Variants in UBR4 observed in about 807,000 individuals in gnomAD.
UBR4 encodes E3 ubiquitin-protein ligase UBR4.
Under a neutral mutation model 575.6 loss-of-function variants are expected in UBR4, and 124 were observed. That is an observed-to-expected ratio of 0.22 (90% CI 0.19 to 0.25). The LOEUF (loss-of-function observed/expected upper bound fraction) is 0.25, where lower values mean the gene tolerates loss of function less well. Ranked by LOEUF, UBR4 falls within the 10% of genes least tolerant of loss-of-function variation. The pLI is 1.00. For synonymous variants in UBR4, 2,455 were observed against 2,473.7 expected, an observed-to-expected ratio of 0.99 and a Z score of 0.22; for missense variants, 4,818 against 6,478.8, an observed-to-expected ratio of 0.74 and a Z score of 8.80.
rs1344594448 is a variant in UBR4 at position 19,114,838 on chromosome 1, G to A, written c.11175C>T (p.Pro3725=). Residue 3725 remains proline, a synonymous_variant, in exon 75 of 106, where the codon CCC becomes CCT. Transcript: ENST00000375254. ...LYAKPCCAVD[P]IENEEDRKKA... ...TCTTCCGGTCTTCTTCATTCTCAAT[G>A]GGATCCACTGCACAGCAAGGCTTGG... The A allele has an allele frequency of 2.5e-6, 4 of 1,614,134 alleles. No homozygotes were observed. In the South Asian group the frequency reaches 4.4e-5, roughly 18 times the overall value.
chr1:19,121,513 C>T (rs2081175076), intron 67 of UBR4, 79 bp from the exon 68 acceptor site: 1 of 1,526,174 alleles, frequency 6.6e-7, no homozygotes, highest in African/African-American at 1.4e-5. Flanking sequence ...CGTCTCCCTA[C>T]AGCTGAGACT....
In UBR4 at chr1:19,198,824, G is replaced by A. The variant is rs1224077841; in HGVS notation, c.483C>T (p.Pro161=). The A allele has an allele frequency of 1.9e-6, 3 of 1,614,076 alleles. No homozygotes were observed. Among genetic ancestry groups the A allele is most frequent in the South Asian group, 1.1e-5 (1 of 91,094 alleles). Reference sequence around the variant, plus strand: ...CGTCTGAAAGTGTCTTCACTGTTTGGGGCAGCTTGGCGGATTTCATCATTG... The same window carrying A: ...CGTCTGAAAGTGTCTTCACTGTTTGAGGCAGCTTGGCGGATTTCATCATTG... ...FTAMMKSAKL[P]QTVKTLSDVE... Residue 161 remains proline, a synonymous_variant, in exon 4 of 106, where the codon CCC becomes CCT. Coordinates refer to ENST00000375254, the MANE Select transcript of UBR4 (RefSeq NM_020765.3).
Position 19,094,976 on chromosome 1 carries a change from G to T in UBR4, c.13676C>A (p.Ala4559Asp). The stretch of plus-strand genomic sequence containing the variant: ...CTCCATGATGCTAAGCACCTGCTCA[G>T]CCACAGCTGCACCCCCACTGTCCTT... ...ESKDSGGAAVAEQVLSIMEII... is the reference protein window; with the variant it reads ...ESKDSGGAAVDEQVLSIMEII... The change falls in exon 94 of 106, where the codon GCT becomes GAT. Residue 4559 changes from alanine (A) to aspartate (D), a missense_variant. This residue lies in a region of UBR4 where 165 missense variants were observed against 282.3 expected (regional missense o/e 0.58). Coordinates refer to ENST00000375254, the MANE Select transcript of UBR4 (RefSeq NM_020765.3). The T allele has an allele frequency of 6.2e-7, 1 of 1,614,174 alleles. No homozygotes were observed.
Position 19,110,430 on chromosome 1 carries a change from G to A in UBR4, c.11927C>T (p.Thr3976Met), listed in dbSNP as rs751882889. 1.4e-5 allele frequency: 22 copies of A among 1,614,040 alleles called. No individual in the cohort carries two copies. Among genetic ancestry groups the A allele is most frequent in the Admixed American group, 1.7e-5 (1 of 59,998 alleles). ...GCTGTCCTCCTTGGAGATAGAATCCGTCAGCAGCAGCATTTCATACTGCAG... is the reference window on the plus strand; with the variant it reads ...GCTGTCCTCCTTGGAGATAGAATCCATCAGCAGCAGCATTTCATACTGCAG... ...SSLQYEMLLL[T>M]DSISKEDSCW... The change falls in exon 80 of 106, where the codon ACG (threonine) becomes ATG (methionine). Residue 3976 changes from threonine to methionine, a missense_variant. Physicochemically the swap from Thr to Met is moderately conservative, Grantham distance 81. This residue lies in a region of UBR4 where 333 missense variants were observed against 459.2 expected (regional missense o/e 0.73). Transcript: ENST00000375254. This position sits in a 1 kb window ranked among gnomAD's most constrained non-coding sequence, Gnocchi z 4.5.
At chr1:19,115,234 C>A (rs1295408658) in intron 74 of UBR4, among the ~76,000 whole-genome samples, 164 bp downstream of exon 74, 2 of 115,024 alleles carry the variant, frequency 1.7e-5, no homozygotes, top group Non-Finnish European at 4.2e-5. Context: ...CACTCACTCT[C>A]TCTTCTTCCT....
At chr1:19,192,879 C>A (rs1438953902) in intron 9 of UBR4, among the ~76,000 whole-genome samples, 1 of 151,952 alleles carries the variant, frequency 6.6e-6, no homozygotes, top group Non-Finnish European at 1.5e-5. Flanking sequence ...ACCTCCCAGG[C>A]TCAAGCGATT....
At position 19,106,635 on chromosome 1, in the gene UBR4, C is replaced by T. The variant is rs1351257757; in HGVS notation, c.12327G>A (p.Leu4109=). ...EKYVWRWKQF[L]SRRGKRTSPL... The stretch of plus-strand genomic sequence containing the variant: ...GGGAGGTCCTCTTCCCCCGACGACT[C>T]AGGAACTGTTTCCACCTCCACACAT... The change falls in exon 83 of 106, where the codon CTG becomes CTA. Residue 4109 remains leucine, a synonymous_variant. Coordinates refer to ENST00000375254, the MANE Select transcript of UBR4 (RefSeq NM_020765.3). The T allele has an allele frequency of 6.2e-7, 1 of 1,608,486 alleles. No individual in the cohort carries two copies. Among genetic ancestry groups the T allele is most frequent in the East Asian group, 2.2e-5 (1 of 44,850 alleles).
chr1:19,161,581 C>T lies in UBR4; in HGVS notation c.5175+8G>A. The T allele has an allele frequency of 6.3e-7, 1 of 1,596,810 alleles. No homozygotes were observed. The highest frequency in any genetic ancestry group is 8.5e-7 in the Non-Finnish European group (1 of 1,172,070). On this transcript the variant is annotated splice_region_variant and intron_variant, in intron 37 of 105. Coordinates refer to ENST00000375254, the MANE Select transcript of UBR4 (RefSeq NM_020765.3). ...CCACCCTTTATAGCTCAGGGAGGGT[C>T]CTCTCACCAAACAGCTGCCATCTTC...
chr1:19,086,847 G>A (rs768585001), intron 99 of UBR4, 26 bp from the exon 100 acceptor site: 2 of 1,611,620 alleles, frequency 1.2e-6, no homozygotes, highest in Non-Finnish European at 1.7e-6. Context: ...CATAAGGAGA[G>A]GGGAGGAGAA....
intron 13 of UBR4, 88 bp downstream of exon 13, chr1:19,187,076 T>TTTTA: frequency 1.4e-6 from 1 of 733,046 alleles, no homozygotes; most frequent in South Asian, 6.1e-5. Context: ...CAAGAAAGTT[T>TTTTA]TATATATATA....
chr1:19,144,675 C>A, intron 54 of UBR4, 111 bp downstream of exon 54: 1 of 1,423,710 alleles, frequency 7.0e-7, no homozygotes, highest in Admixed American at 2.3e-5. Flanking sequence ...AAACTTCATT[C>A]CCTTCAGCTT....
At chr1:19,189,058 T>G (rs1266011223) in intron 11 of UBR4, among the ~76,000 whole-genome samples, 2 of 151,730 alleles carry the variant, frequency 1.3e-5, no homozygotes, top group African/African-American at 4.8e-5. Flanking sequence ...ACAAAAGAAA[T>G]ACAAATGACC....
chr1:19,126,656 C>T lies in UBR4; in HGVS notation c.9229-1G>A. 1 of 1,612,848 alleles carries T rather than the reference C, an allele frequency of 6.2e-7. No individual in the cohort carries two copies. The highest frequency in any genetic ancestry group is 8.5e-7 in the Non-Finnish European group (1 of 1,179,632). ...TGGCACTGGAGATGAGGGAAGATGA[C>T]TGGGAGACAGAGAAAATACAGAGAT... On this transcript the variant is annotated splice_acceptor_variant, in intron 63 of 105. Coordinates refer to ENST00000375254, the MANE Select transcript of UBR4 (RefSeq NM_020765.3). LOFTEE classifies it high-confidence loss of function.
chr1:19,100,177 A>G lies in UBR4; in HGVS notation c.13221+199T>C, dbSNP rs2078484065. The G allele has an allele frequency of 1.6e-6, 1 of 606,448 alleles. No homozygotes were observed. The highest frequency in any genetic ancestry group is 2.9e-6 in the Non-Finnish European group (1 of 345,112). The allele number at this position is 606,448 out of a possible 1,614,324, so 37.6% of individuals were successfully genotyped here. On this transcript the variant is annotated intron_variant, in intron 89 of 105. Transcript: ENST00000375254. This position sits in a 1 kb window ranked among gnomAD's most constrained non-coding sequence, Gnocchi z 4.2. ...GCTTACTTCCTGCCAGGCACTGGGC[A>G]GAGCCCTTTACAGGTTATTAACCTT... is the stretch of plus-strand genomic sequence containing the variant.
rs2092546979 is a variant in UBR4, at chr1:19,197,746, A to G, written c.817T>C (p.Phe273Leu). 1 of 1,614,266 alleles carries G rather than the reference A, an allele frequency of 6.2e-7. No individual in the cohort carries two copies. Among genetic ancestry groups the G allele is most frequent in the Non-Finnish European group, 8.5e-7 (1 of 1,180,048 alleles). Reference protein sequence around the residue: ...LPYFLRYINRFQDAVLANSFF... With the variant: ...LPYFLRYINRLQDAVLANSFF... Reference sequence around the variant, plus strand: ...GAATTAGCTAAAACTGCATCTTGGAACCGATTGATATAGCGTAGGAAATAT... The same window carrying G: ...GAATTAGCTAAAACTGCATCTTGGAGCCGATTGATATAGCGTAGGAAATAT... Residue 273 changes from phenylalanine to leucine, a missense_variant, in exon 7 of 106, where the codon TTC becomes CTC. Around this residue, in one of 29 missense-constraint regions of UBR4, gnomAD observed 131 missense variants for 214.5 expected, o/e 0.61. Coordinates refer to ENST00000375254, the MANE Select transcript of UBR4 (RefSeq NM_020765.3).
rs759865179 is a variant in UBR4, at chr1:19,086,752, G to A, written c.14614C>T (p.Arg4872Trp). Residue 4872 changes from arginine to tryptophan, a missense_variant, in exon 100 of 106, where the codon CGG becomes TGG. This residue lies in a region of UBR4 where 196 missense variants were observed against 386.8 expected (regional missense o/e 0.51). Transcript: ENST00000375254. ...VALEEMENKP[R>W]KQQGYSTVSH... ...ACGGTGCTGTAGCCCTGCTGTTTCC[G>A]GGGCTTATTCTCCATCTCCTCCAAG... The A allele has an allele frequency of 3.7e-6, 6 of 1,614,184 alleles. No individual in the cohort carries two copies. The highest frequency in any genetic ancestry group is 3.4e-6 in the Non-Finnish European group (4 of 1,180,016).
chr1:19,172,388 A>C (rs1419126213), intron 25 of UBR4, among the ~76,000 whole-genome samples: 1 of 152,074 alleles, frequency 6.6e-6, no homozygotes, highest in East Asian at 1.9e-4. Context: ...ACGGTGGTGC[A>C]TGCCTGTAAT....
rs6659990 is a variant in UBR4 at position 19,173,860 on chromosome 1, A to G, written c.2983-239T>C. 8.0e-3 allele frequency among the ~76,000 whole-genome samples: 1,213 copies of G among 152,328 alleles called. 23 individuals carry two copies. The highest frequency in any genetic ancestry group is 0.067 in the East Asian group (349 of 5,180). ...TATTCTGCACATTTCACAGACCAAA[A>G]AGGCTATTCCAAGACAACTTTGGCT... On this transcript the variant is annotated intron_variant, in intron 22 of 105. Coordinates refer to ENST00000375254, the MANE Select transcript of UBR4 (RefSeq NM_020765.3).
intron 1 of UBR4, 69 bp from the exon 2 acceptor site, chr1:19,201,884 G>A (rs1175339095): frequency 7.5e-7 from 1 of 1,326,210 alleles, no homozygotes; most frequent in African/African-American, 1.5e-5. Flanking sequence ...CCCCTTTATG[G>A]ATATTACATT....
Sources: gnomAD v4.1 joint callset for allele counts (sites outside exome capture counted in the v4.1 genomes callset) on GRCh38, gnomAD v4.1.1 for gene constraint, gnomAD v4.1.1 regional missense constraint, Gnocchi (gnomAD v3.1) non-coding constraint, MANE v1.5 for transcripts, NCBI Gene and HGNC (gene_info 2026-07-23, HGNC 2026-07-21) for gene names.